PALM2AKAP2: variants seen among roughly 807,000 people sequenced by gnomAD.
PALM2AKAP2 encodes PALM2-AKAP2 fusion protein.
In PALM2AKAP2, 37 loss-of-function variants were observed where a neutral mutation model predicts 71.5. That is an observed-to-expected ratio of 0.52 (90% CI 0.40 to 0.68). The LOEUF (loss-of-function observed/expected upper bound fraction) is 0.68. Ranked by LOEUF, PALM2AKAP2 falls within the 30% of genes least tolerant of loss-of-function variation. PALM2AKAP2 has a pLI of 0.00. For missense variants in PALM2AKAP2, 1,224 were observed against 1,191.8 expected (o/e 1.03, Z -0.40); for synonymous variants, 468 against 478.8 (o/e 0.98, Z 0.29).
intron 2 of PALM2AKAP2, among the ~76,000 whole-genome samples, chr9:110,154,003 A>G (rs927298689): frequency 3.9e-5 from 6 of 152,230 alleles, no homozygotes; most frequent in African/African-American, 1.4e-4. Flanking sequence ...GTCAACTGGA[A>G]AATGATGAAA....
intron 3 of PALM2AKAP2, among the ~76,000 whole-genome samples, chr9:109,915,934 A>C (rs1488009332): frequency 1.3e-5 from 2 of 151,984 alleles, no homozygotes; most frequent in Admixed American, 6.6e-5. Context: ...AGGCAAAGGG[A>C]AAATATATTG....
At chr9:109,705,455 C>T (rs1828128125) in intron 1 of PALM2AKAP2, among the ~76,000 whole-genome samples, 1 of 152,190 alleles carries the variant, frequency 6.6e-6, no homozygotes, top group Non-Finnish European at 1.5e-5. Context: ...CTATGTGTCA[C>T]TTGTGTCCCC....
chr9:109,690,245 T>C (rs1827863331), intron 1 of PALM2AKAP2, among the ~76,000 whole-genome samples: 1 of 152,196 alleles, frequency 6.6e-6, no homozygotes, highest in African/African-American at 2.4e-5. Flanking sequence ...ACTTTTAAAA[T>C]TTCTAATAGT....
chr9:110,048,783 G>T (rs373866131), exon 1 of PALM2AKAP2: 1,254 of 1,534,890 alleles, frequency 8.2e-4, no homozygotes, highest in Non-Finnish European at 9.2e-4. Context: ...CCCCGGAGCG[G>T]GAGGCAGCGG....
rs543046382 is a variant in PALM2AKAP2, at chr9:109,930,415, G to T, written c.395-1512G>T. Among the ~76,000 whole-genome samples the T allele has an allele frequency of 1.7e-3, 263 of 152,178 alleles. 1 individual carries two copies. Among genetic ancestry groups the T allele is most frequent in the African/African-American group, 6.1e-3 (253 of 41,540 alleles). On this transcript the variant is annotated intron_variant, in intron 5 of 9. Coordinates refer to the PALM2AKAP2 transcript ENST00000302798. ...TAATTTTTGTATTTTTAGTAGAGACGGGGTTTTGCCATGTTGGCCAGGCTG... is the reference window on the plus strand; with the variant it reads ...TAATTTTTGTATTTTTAGTAGAGACTGGGTTTTGCCATGTTGGCCAGGCTG...
intron 1 of PALM2AKAP2, among the ~76,000 whole-genome samples, chr9:110,074,880 G>A (rs559969532): frequency 6.6e-6 from 1 of 152,102 alleles, no homozygotes; most frequent in African/African-American, 2.4e-5. Context: ...GCGTGTGCCT[G>A]TAATCCCAGC....
intron 3 of PALM2AKAP2, among the ~76,000 whole-genome samples, chr9:109,912,039 T>C (rs1564206864): frequency 1.3e-5 from 2 of 152,178 alleles, no homozygotes; most frequent in Admixed American, 6.5e-5. Flanking sequence ...TATTATGATA[T>C]CTGTTTTCAG....
intron 1 of PALM2AKAP2, among the ~76,000 whole-genome samples, chr9:109,788,439 T>G (rs776370704): frequency 2.6e-5 from 4 of 152,204 alleles, no homozygotes; most frequent in Non-Finnish European, 4.4e-5. Context: ...CAAACGTTAG[T>G]GCATTAGGAT....
At position 110,034,284 on chromosome 9, in the gene PALM2AKAP2, A is replaced by T. The variant is rs543609032; in HGVS notation, c.582+18245A>T. On this transcript the variant is annotated intron_variant, in intron 7 of 9. Transcript: ENST00000302798. ...GCAATTCTCCTGCCTCAGTCTCCTA[A>T]GTAGCTGGGATTTACAGGCATGTGC... Among the ~76,000 whole-genome samples, 7 of 152,190 alleles carry T rather than the reference A, an allele frequency of 4.6e-5. No individual in the cohort carries two copies. In the South Asian group the frequency reaches 1.5e-3, roughly 32 times the overall value.
intron 1 of PALM2AKAP2, among the ~76,000 whole-genome samples, chr9:109,670,707 G>A (rs987412190): frequency 3.3e-5 from 5 of 152,008 alleles, no homozygotes; most frequent in South Asian, 2.1e-4. Context: ...TGTCTTCCAC[G>A]ATGGTTGAAC....
chr9:109,868,899 T>A lies in PALM2AKAP2; in HGVS notation c.126+1328T>A, dbSNP rs556725778. 4.7e-4 allele frequency among the ~76,000 whole-genome samples: 71 copies of A among 152,306 alleles called. 1 individual carries two copies. Among genetic ancestry groups the A allele is most frequent in the African/African-American group, 1.7e-3 (69 of 41,582 alleles). ...GGATGGAGGGCTAAAATTAGTATCC[T>A]CTTCTCACAGAGAGGGGGCCTTAAA... On this transcript the variant is annotated intron_variant, in intron 2 of 9. Coordinates refer to the PALM2AKAP2 transcript ENST00000302798.
Position 110,004,862 on chromosome 9 carries a change from C to T in PALM2AKAP2, c.497-11092C>T, listed in dbSNP as rs961087456. 5.3e-5 allele frequency among the ~76,000 whole-genome samples: 8 copies of T among 152,124 alleles called. No homozygotes were observed. In the East Asian group the frequency reaches 5.8e-4, roughly 11 times the overall value. ...TGCATTCATCACGTAGTTCTCGTGCCGTGGTTTTCAGCTCCATCAGGTCCT... is the reference window on the plus strand; with the variant it reads ...TGCATTCATCACGTAGTTCTCGTGCTGTGGTTTTCAGCTCCATCAGGTCCT... On this transcript the variant is annotated intron_variant, in intron 6 of 9. Coordinates refer to the PALM2AKAP2 transcript ENST00000302798.
At chr9:110,008,108 T>C (rs1419497535) in intron 6 of PALM2AKAP2, among the ~76,000 whole-genome samples, 4 of 152,220 alleles carry the variant, frequency 2.6e-5, no homozygotes, top group Admixed American at 6.5e-5. Flanking sequence ...GTTATACCTG[T>C]AGGTTTTGTG....
At chr9:109,731,217 G>A (rs1484202478) in intron 1 of PALM2AKAP2, among the ~76,000 whole-genome samples, 3 of 152,110 alleles carry the variant, frequency 2.0e-5, no homozygotes, top group Non-Finnish European at 4.4e-5. Context: ...TTTTCCTAAT[G>A]GTTCCATCTC....
At chr9:109,959,816 A>C (rs1402462461) in intron 6 of PALM2AKAP2, among the ~76,000 whole-genome samples, 1 of 152,038 alleles carries the variant, frequency 6.6e-6, no homozygotes, top group Non-Finnish European at 1.5e-5. Context: ...AATTTCCCTC[A>C]TTGAATGTTG....
At chr9:109,780,236 G>A (rs1366597991), upstream of PALM2AKAP2, 5 of 1,081,172 alleles carry the variant, frequency 4.6e-6, no homozygotes, top group East Asian at 2.2e-4. Context: ...CGGCGGCGGC[G>A]ACCGGGAGAT....
chr9:109,655,815 G>A (rs1165150552), intron 1 of PALM2AKAP2, among the ~76,000 whole-genome samples: 7 of 152,098 alleles, frequency 4.6e-5, no homozygotes, highest in East Asian at 3.8e-4. Flanking sequence ...GCTATACCAC[G>A]TTTTATTATT....
At chr9:110,031,312 T>G (rs1261678897) in intron 7 of PALM2AKAP2, among the ~76,000 whole-genome samples, 1 of 152,010 alleles carries the variant, frequency 6.6e-6, no homozygotes, top group Non-Finnish European at 1.5e-5. Context: ...GTATTTTTAG[T>G]AGAGACAGGG....
chr9:110,119,341 C>CAAAA (rs200861093), intron 1 of PALM2AKAP2, among the ~76,000 whole-genome samples: 8 of 88,902 alleles, frequency 9.0e-5, no homozygotes, highest in Non-Finnish European at 1.7e-4. Context: ...GACTCCATCT[C>CAAAA]AAAAAAAAAA....
Sources: gnomAD v4.1 joint callset for allele counts (sites outside exome capture counted in the v4.1 genomes callset) on GRCh38, gnomAD v4.1.1 for gene constraint, MANE v1.5 for transcripts, NCBI Gene and HGNC (gene_info 2026-07-23, HGNC 2026-07-21) for gene names.